Variants in CADM2 observed in about 807,000 individuals in gnomAD.
CADM2 encodes the protein cell adhesion molecule 2.
CADM2 carries 12 observed loss-of-function variants against 49.8 expected under a neutral mutation model. The ratio of observed to expected loss-of-function variants is 0.24; its 90% CI spans 0.15 to 0.39. The LOEUF (loss-of-function observed/expected upper bound fraction) is 0.39. CADM2 is among the 10% of genes least tolerant of loss of function. The pLI, the probability that CADM2 is intolerant of heterozygous loss-of-function variation, is 1.00. For missense variants in CADM2, 378 were observed against 492.3 expected (o/e 0.77, Z 2.20); for synonymous variants, 214 against 175.4 (o/e 1.22, Z -1.74).
At chr3:86,013,860 A>G (rs951362138) in intron 8 of CADM2, 8 of 1,594,074 alleles carry the variant, frequency 5.0e-6, no homozygotes, top group Admixed American at 1.7e-5. Context: ...TTCCAAAATG[A>G]AAGTTGTTGC....
At chr3:85,919,304 T>C (rs1166927884) in intron 6 of CADM2, among the ~76,000 whole-genome samples, 2 of 152,018 alleles carry the variant, frequency 1.3e-5, no homozygotes, top group Non-Finnish European at 2.9e-5. Flanking sequence ...TTTAAAGCAA[T>C]AAATAGTTAA....
chr3:85,743,520 TA>T (rs1301483116), intron 2 of CADM2, among the ~76,000 whole-genome samples: 1 of 152,198 alleles, frequency 6.6e-6, no homozygotes, highest in African/African-American at 2.4e-5. Context: ...ACACTTTGTA[TA>T]GAACTACAAG....
rs556013928 is a variant in CADM2, at chr3:85,753,415, G to A, written c.88+26867G>A. On this transcript the variant is annotated intron_variant, in intron 2 of 9. Transcript: ENST00000383699. ...AGGAAAAAAAATGTGATTGCAAGAA[G>A]AAATAGGCAGACACCAGAACCCTGA... is the stretch of plus-strand genomic sequence containing the variant. Among the ~76,000 whole-genome samples the A allele has an allele frequency of 9.2e-5, 14 of 152,160 alleles. No individual in the cohort carries two copies. The Middle Eastern group carries it at 0.014, about 149-fold the overall frequency.
At chr3:85,594,054 T>C (rs2063179697) in intron 1 of CADM2, among the ~76,000 whole-genome samples, 1 of 151,988 alleles carries the variant, frequency 6.6e-6, no homozygotes, top group South Asian at 2.1e-4. Flanking sequence ...TCCTGGCTAT[T>C]GCTGGTTACA....
At chr3:85,657,763 T>TATATATATATATATAG (rs2065256359) in intron 1 of CADM2, among the ~76,000 whole-genome samples, 1 of 122,240 alleles carries the variant, frequency 8.2e-6, no homozygotes, top group East Asian at 2.1e-4. Context: ...TATACACAGA[T>TATATATATATATATAG]ATATATATAT....
At chr3:85,278,268 T>C (rs1000585518) in intron 1 of CADM2, among the ~76,000 whole-genome samples, 1 of 151,368 alleles carries the variant, frequency 6.6e-6, no homozygotes. Flanking sequence ...ATAAATATGA[T>C]CTCACATTAT....
intron 1 of CADM2, among the ~76,000 whole-genome samples, chr3:85,088,555 A>G (rs1045314960): frequency 6.6e-6 from 1 of 152,138 alleles, no homozygotes; most frequent in East Asian, 1.9e-4. Context: ...TAAGAGCAGA[A>G]TAACTGGTTC....
At chr3:85,054,995 A>G (rs1236902384) in intron 1 of CADM2, among the ~76,000 whole-genome samples, 1 of 151,882 alleles carries the variant, frequency 6.6e-6, no homozygotes, top group Non-Finnish European at 1.5e-5. Context: ...AGTTTAATAT[A>G]CTTAATATCC....
chr3:85,172,952 T>G (rs2107688010), intron 1 of CADM2, among the ~76,000 whole-genome samples: 1 of 146,746 alleles, frequency 6.8e-6, no homozygotes, highest in South Asian at 2.1e-4. Context: ...ATATAATACA[T>G]AAACATATAT....
At chr3:85,820,196 G>A (rs1354707895) in intron 3 of CADM2, among the ~76,000 whole-genome samples, 1 of 152,112 alleles carries the variant, frequency 6.6e-6, no homozygotes, top group Non-Finnish European at 1.5e-5. Flanking sequence ...GTGGGATGAG[G>A]AGAGTGATCA....
chr3:85,406,600 A>G (rs1034291133), intron 1 of CADM2, among the ~76,000 whole-genome samples: 1 of 152,114 alleles, frequency 6.6e-6, no homozygotes, highest in Non-Finnish European at 1.5e-5. Flanking sequence ...CTCTATGTCT[A>G]AGATTCAACT....
chr3:85,215,417 G>A (rs964871207), intron 1 of CADM2, among the ~76,000 whole-genome samples: 1 of 144,766 alleles, frequency 6.9e-6, no homozygotes, highest in Non-Finnish European at 1.5e-5. Flanking sequence ...AGGAGTATAA[G>A]TTCAGGTTTG....
intron 3 of CADM2, among the ~76,000 whole-genome samples, chr3:85,830,357 T>C (rs1322697824): frequency 6.6e-6 from 1 of 151,952 alleles, no homozygotes; most frequent in Non-Finnish European, 1.5e-5. Flanking sequence ...TGCCCACTGT[T>C]TAAGAAGATT....
intron 3 of CADM2, among the ~76,000 whole-genome samples, chr3:85,859,862 T>G (rs1291051386): frequency 1.3e-5 from 2 of 152,350 alleles, no homozygotes; most frequent in Admixed American, 1.3e-4. Flanking sequence ...TTTGACAAAC[T>G]TATAAATTAA....
chr3:85,421,001 T>C (rs1179683060), intron 1 of CADM2, among the ~76,000 whole-genome samples: 1 of 152,196 alleles, frequency 6.6e-6, no homozygotes, highest in African/African-American at 2.4e-5. Flanking sequence ...TATTCTTATT[T>C]AAATAGCAGA....
At chr3:85,780,937 T>G (rs2107992414) in intron 2 of CADM2, among the ~76,000 whole-genome samples, 1 of 152,140 alleles carries the variant, frequency 6.6e-6, no homozygotes, top group South Asian at 2.1e-4. Context: ...TGCTTGTTCC[T>G]TGGACCATGC....
intron 1 of CADM2, among the ~76,000 whole-genome samples, chr3:85,006,147 A>G (rs1315862311): frequency 6.6e-6 from 1 of 152,144 alleles, no homozygotes. Context: ...TCAACATTGC[A>G]TGCAGCTTTA....
chr3:85,580,034 A>T (rs540843721), intron 1 of CADM2, among the ~76,000 whole-genome samples: 2 of 152,318 alleles, frequency 1.3e-5, no homozygotes, highest in South Asian at 4.1e-4. Flanking sequence ...CAGCTAAATC[A>T]TTGTCAATGG....
intron 2 of CADM2, among the ~76,000 whole-genome samples, chr3:85,774,174 A>G (rs2070240954): frequency 6.6e-6 from 1 of 151,866 alleles, no homozygotes; most frequent in Non-Finnish European, 1.5e-5. Context: ...AAAGGAATCT[A>G]AGAACAAATA....
Sources: gnomAD v4.1 joint callset for allele counts (sites outside exome capture counted in the v4.1 genomes callset) on GRCh38, gnomAD v4.1.1 for gene constraint, MANE v1.5 for transcripts, NCBI Gene and HGNC (gene_info 2026-07-23, HGNC 2026-07-21) for gene names.